The following PAXIP1 variants were observed in gnomAD, a reference collection of about 807,000 sequenced individuals.
PAXIP1 encodes PAX-interacting protein 1.
Under a neutral mutation model 140.6 loss-of-function variants are expected in PAXIP1, and 19 were observed. The observed-to-expected ratio is 0.14, with a 90% CI of 0.09 to 0.20. The LOEUF is 0.20. Ranked by LOEUF, PAXIP1 falls within the 10% of genes least tolerant of loss-of-function variation. The probability of loss-of-function intolerance (pLI) is 1.00; values close to 1 mark genes in which losing one functional copy is unlikely to be tolerated. For synonymous variants in PAXIP1, 442 were observed against 444.6 expected (o/e 0.99, Z 0.07); for missense variants, 920 against 1,208.6 (o/e 0.76, Z 3.54).
chr7:154,986,717 A>G lies in PAXIP1; in HGVS notation c.325-3385T>C, dbSNP rs1457082144. On this transcript the variant is annotated intron_variant, in intron 4 of 20. Coordinates refer to ENST00000404141, the MANE Select transcript of PAXIP1 (RefSeq NM_007349.4). The surrounding 1 kb of genome is among the most constrained non-coding windows in gnomAD (Gnocchi z 4.8). ...AAGTCTTCCCCATCCCTATTTGAAC[A>G]ATCTTTCTCAACTTAAAAGAAATGC... 6.6e-6 allele frequency among the ~76,000 whole-genome samples: 1 copy of G among 152,210 alleles called. No individual in the cohort carries two copies. Among genetic ancestry groups the G allele is most frequent in the Non-Finnish European group, 1.5e-5 (1 of 68,044 alleles).
At chr7:154,961,673 T>C in intron 10 of PAXIP1, 25 bp from the exon 11 acceptor site, 4 of 1,553,942 alleles carry the variant, frequency 2.6e-6, no homozygotes, top group Non-Finnish European at 3.5e-6. Flanking sequence ...GAAAATAAGG[T>C]AAACACAAAA....
chr7:154,945,251 G>A lies in PAXIP1; in HGVS notation c.3195-1087C>T, dbSNP rs570541201. 3 of 152,496 alleles carry A rather than the reference G, an allele frequency of 2.0e-5. No homozygotes were observed. In the East Asian group the frequency reaches 5.8e-4, roughly 29 times the overall value. 9.4% of individuals were successfully genotyped at this position (152,496 alleles called of 1,614,324 possible). On this transcript the variant is annotated intron_variant, in intron 20 of 20. Transcript: ENST00000404141. ...CACCTGTCTTGGCCTCCCGTGCTGG[G>A]ATTATAGGCATGAGCCACCACGTCC...
chr7:154,997,925 G>A (rs769156774), intron 2 of PAXIP1, among the ~76,000 whole-genome samples: 5 of 152,210 alleles, frequency 3.3e-5, no homozygotes, highest in Non-Finnish European at 5.9e-5. Flanking sequence ...GTTACCTCCC[G>A]ACAGGCCTTA....
At chr7:154,988,121 C>A (rs1810158354) in intron 4 of PAXIP1, among the ~76,000 whole-genome samples, 1 of 152,222 alleles carries the variant, frequency 6.6e-6, no homozygotes, top group Non-Finnish European at 1.5e-5. Flanking sequence ...TATCCATCTA[C>A]CTGCCTGACC....
In PAXIP1 at chr7:154,968,957, G is replaced by A. The variant is rs751471678; in HGVS notation, c.1244C>T (p.Pro415Leu). The change falls in exon 7 of 21, where the codon CCG becomes CTG. Residue 415 changes from proline to leucine, a missense_variant. Physicochemically the swap from Pro to Leu is moderately conservative, Grantham distance 98 (BLOSUM62 -3). Transcript: ENST00000404141. ...CTGCTGGGGCTGAAGGTGTAAAACC[G>A]GGTGCTGCTGCTGCTGCTGCTGGGC... ...QQAQQQQQQH[P>L]VLHLQPQQIM... is the part of the protein sequence containing the mutation. 49 of 1,515,998 alleles carry A rather than the reference G, an allele frequency of 3.2e-5. No individual in the cohort carries two copies. Among genetic ancestry groups the A allele is most frequent in the Non-Finnish European group, 4.2e-5 (47 of 1,120,000 alleles). The allele number at this position is 1,515,998 out of a possible 1,614,324, so 93.9% of individuals were successfully genotyped here. A position where few individuals can be genotyped will look rare whatever the true frequency, so the allele number is the denominator to read the frequency against.
chr7:154,995,945 A>G (rs34656358), intron 2 of PAXIP1, among the ~76,000 whole-genome samples: 9 of 152,274 alleles, frequency 5.9e-5, no homozygotes, highest in Non-Finnish European at 1.3e-4. Flanking sequence ...AATAATTTTA[A>G]AAGTTTTGGT....
In PAXIP1 at chr7:154,975,682, A is replaced by G. The variant is rs765595508; in HGVS notation, c.1074+14T>C. 3 of 1,549,918 alleles carry G rather than the reference A, an allele frequency of 1.9e-6. No individual in the cohort carries two copies. Among genetic ancestry groups the G allele is most frequent in the Admixed American group, 1.8e-5 (1 of 55,770 alleles). On this transcript the variant is annotated intron_variant, in intron 6 of 20. Transcript: ENST00000404141. ...GATCCAATACTGACATTTTTTTCGG[A>G]AAGAGTGACTTACATGTGCTACATT...
chr7:154,983,231 T>C lies in PAXIP1; in HGVS notation c.426A>G (p.Pro142=), dbSNP rs747896203. The C allele has an allele frequency of 6.3e-7, 1 of 1,597,790 alleles. No individual in the cohort carries two copies. The highest frequency in any genetic ancestry group is 8.5e-7 in the Non-Finnish European group (1 of 1,170,312). Residue 142 remains proline (P), a synonymous_variant, in exon 5 of 21, where the codon CCA becomes CCG. Transcript: ENST00000404141. ...LNKKCTHLIV[P]EPKGEKYECA... ...AAGAAACGCTTACCCCCTTTGGCTC[T>C]GGAACAATCAAATGCGTGCATTTCT... is the stretch of plus-strand genomic sequence containing the variant.
At position 155,003,095 on chromosome 7, in the gene PAXIP1, C is replaced by CCGCCCG. The variant is rs566689569; in HGVS notation, c.-172_-167dup. On this transcript the variant is annotated 5_prime_UTR_variant, in exon 1 of 21. Coordinates refer to ENST00000404141, the MANE Select transcript of PAXIP1 (RefSeq NM_007349.4). The stretch of plus-strand genomic sequence containing the variant: ...GTCCGCTCCCCCGCCCTCCGCGCCC[C>CCGCCCG]CGCCCGCGCCCGCGCCGAGCGCCCG... The CCGCCCG allele has an allele frequency of 5.5e-3, 941 of 172,572 alleles. 17 individuals are homozygous for CCGCCCG. The highest frequency in any genetic ancestry group is 0.024 in the Admixed American group (350 of 14,850). 10.7% of individuals were successfully genotyped at this position (172,572 alleles called of 1,614,324 possible).
intron 4 of PAXIP1, among the ~76,000 whole-genome samples, chr7:154,984,122 T>A (rs1290656455): frequency 6.6e-6 from 1 of 152,146 alleles, no homozygotes; most frequent in Non-Finnish European, 1.5e-5. Context: ...TTACACCTAA[T>A]AATTGGAAAA....
chr7:154,995,197 G>T (rs1352376827), intron 2 of PAXIP1, among the ~76,000 whole-genome samples: 1 of 152,190 alleles, frequency 6.6e-6, no homozygotes, highest in Non-Finnish European at 1.5e-5. Context: ...GATTAGGATG[G>T]GTGAAGGTCT....
At chr7:154,958,686 A>C (rs1233164525) in intron 13 of PAXIP1, among the ~76,000 whole-genome samples, 1 of 152,200 alleles carries the variant, frequency 6.6e-6, no homozygotes, top group Admixed American at 6.5e-5. Context: ...AAAAAGGATA[A>C]ACTGGGCCTC....
intron 8 of PAXIP1, among the ~76,000 whole-genome samples, chr7:154,967,101 T>C (rs552567055): frequency 4.0e-4 from 61 of 152,192 alleles, no homozygotes; most frequent in Non-Finnish European, 7.5e-4. Flanking sequence ...CAGCCTGCAT[T>C]TGCCACCCCA....
At chr7:154,997,932 C>T (rs1431152729) in intron 2 of PAXIP1, among the ~76,000 whole-genome samples, 1 of 152,226 alleles carries the variant, frequency 6.6e-6, no homozygotes, top group Non-Finnish European at 1.5e-5. Context: ...CCCGACAGGC[C>T]TTAGCCTGCT....
intron 14 of PAXIP1, 41 bp downstream of exon 14, chr7:154,957,183 G>T: frequency 1.7e-6 from 2 of 1,157,762 alleles, no homozygotes; most frequent in Non-Finnish European, 2.5e-6. Context: ...AAGCAGACCT[G>T]TGAAAGCCAG....
intron 3 of PAXIP1, 67 bp downstream of exon 3, chr7:154,993,653 TTAACTA>T: frequency 8.9e-7 from 1 of 1,126,758 alleles, no homozygotes; most frequent in African/African-American, 1.6e-5. Context: ...TTTCACTCCA[TTAACTA>T]TCATTTCTTT....
intron 13 of PAXIP1, among the ~76,000 whole-genome samples, chr7:154,959,078 G>GT (rs1184223144): frequency 6.6e-6 from 1 of 152,202 alleles, no homozygotes; most frequent in Middle Eastern, 3.2e-3. Flanking sequence ...TGGAAAACGA[G>GT]TAAGTCAGTA....
chr7:155,003,076 T>TC lies in PAXIP1; in HGVS notation c.-148dup, dbSNP rs1474817813. On this transcript the variant is annotated 5_prime_UTR_variant, in exon 1 of 21. Coordinates refer to ENST00000404141, the MANE Select transcript of PAXIP1 (RefSeq NM_007349.4). The stretch of plus-strand genomic sequence containing the variant: ...CCCGGTCCTGCGAATCGGGGTCCGC[T>TC]CCCCCGCCCTCCGCGCCCCCGCCCG... 1 of 188,304 alleles carries TC rather than the reference T, an allele frequency of 5.3e-6. No homozygotes were observed. Among genetic ancestry groups the TC allele is most frequent in the African/African-American group, 2.6e-5 (1 of 38,866 alleles). 11.7% of individuals were successfully genotyped at this position (188,304 alleles called of 1,614,324 possible).
intron 11 of PAXIP1, 46 bp downstream of exon 11, chr7:154,961,481 T>C (rs772782290): frequency 5.4e-6 from 8 of 1,486,150 alleles, no homozygotes; most frequent in Admixed American, 2.1e-5. Context: ...AGCCACTATA[T>C]TGTGTGTAAA....
Sources: gnomAD v4.1 joint callset for allele counts (sites outside exome capture counted in the v4.1 genomes callset) on GRCh38, gnomAD v4.1.1 for gene constraint, Gnocchi (gnomAD v3.1) non-coding constraint, MANE v1.5 for transcripts, NCBI Gene and HGNC (gene_info 2026-07-23, HGNC 2026-07-21) for gene names.